The following SLC6A12 variants were observed in gnomAD, a reference collection of about 807,000 sequenced individuals.
SLC6A12 encodes the protein sodium- and chloride-dependent betaine transporter.
Under a neutral mutation model 73.3 loss-of-function variants are expected in SLC6A12, and 50 were observed. The ratio of observed to expected loss-of-function variants is 0.68; its 90% confidence interval spans 0.54 to 0.86. SLC6A12 has a LOEUF of 0.86. SLC6A12 is among the 40% of genes least tolerant of loss of function. The pLI, the probability that SLC6A12 is intolerant of heterozygous loss-of-function variation, is 0.00. For synonymous variants in SLC6A12, 304 were observed against 309.2 expected (o/e 0.98, Z 0.18); for missense variants, 648 against 772.8 (o/e 0.84, Z 1.92).
In SLC6A12 at chr12:200,667, A is replaced by ACC; in HGVS notation, c.693_694dup (p.Val232GlyfsTer18). 4 of 1,613,914 alleles carry ACC rather than the reference A, an allele frequency of 2.5e-6. No homozygotes were observed. Among genetic ancestry groups the ACC allele is most frequent in the Non-Finnish European group, 3.4e-6 (4 of 1,179,956 alleles). ...ACATCTCACCTTGCCTGTGGACTTG[A>ACC]CCCCCTTCCAGATGCAGAAATAGCA... On this transcript the variant is annotated frameshift_variant, in exon 7 of 16. Coordinates refer to ENST00000684302, the MANE Select transcript of SLC6A12 (RefSeq NM_001122848.3). LOFTEE classifies it high-confidence loss of function.
intron 6 of SLC6A12, 58 bp from the exon 7 acceptor site, chr12:200,841 C>A: frequency 1.3e-6 from 2 of 1,562,238 alleles, no homozygotes; most frequent in Non-Finnish European, 1.7e-6. Flanking sequence ...CAGTTTGCGT[C>A]TGTCAGCAAG....
chr12:187,589 C>CAAAAAAAAAAAAAAAAAAAAAAAAAA (rs761187495), downstream of SLC6A12, among the ~76,000 whole-genome samples: 9 of 106,062 alleles, frequency 8.5e-5, no homozygotes, highest in South Asian at 3.6e-4. Flanking sequence ...TGCAAAAGAG[C>CAAAAAAAAAAAAAAAAAAAAAAAAAA]AAAAAAAAAA....
At chr12:195,201 C>T (rs370240479) in intron 13 of SLC6A12, 24 bp downstream of exon 13, 3 of 1,048,220 alleles carry the variant, frequency 2.9e-6, no homozygotes, top group Non-Finnish European at 4.4e-6. Context: ...ACCCTGCTTT[C>T]CCACCCCACT....
intron 2 of SLC6A12, among the ~76,000 whole-genome samples, chr12:211,557 A>G (rs534632602): frequency 1.3e-5 from 2 of 152,320 alleles, no homozygotes; most frequent in East Asian, 1.9e-4. Context: ...AGAGTATGTG[A>G]TCAGACCCAT....
intron 6 of SLC6A12, 121 bp downstream of exon 6, chr12:201,641 G>A (rs910156933): frequency 2.9e-5 from 22 of 747,840 alleles, no homozygotes; most frequent in East Asian, 7.7e-5. Flanking sequence ...GGAGTGGGGC[G>A]GGGGAGGAAG....
chr12:184,905 C>T, the SLC6A12 span, among the ~76,000 whole-genome samples: 4,072 of 149,712 alleles, frequency 0.027, 76 homozygotes, highest in Middle Eastern at 0.072. Context: ...TGCGCTCCAG[C>T]CTGGGGGACA....
At position 209,909 on chromosome 12, in the gene SLC6A12, G is replaced by A. The variant is rs575065279; in HGVS notation, c.78C>T (p.Asp26=). The A allele has an allele frequency of 5.7e-5, 92 of 1,614,018 alleles. No individual in the cohort carries two copies. Among genetic ancestry groups the A allele is most frequent in the Non-Finnish European group, 7.5e-5 (89 of 1,180,034 alleles). The change falls in exon 3 of 16, where the codon GAC becomes GAT. Residue 26 remains aspartate, a synonymous_variant. Coordinates refer to ENST00000684302, the MANE Select transcript of SLC6A12 (RefSeq NM_001122848.3). ...SWVPEEGEKL[D]QEDEDQVKDR... is the part of the protein sequence containing the mutation. ...CCTTCACCTGGTCCTCGTCTTCCTG[G>A]TCCAACTTCTCTCCCTCCTCGGGGA...
At chr12:187,678 G>C (rs1304443637), downstream of SLC6A12, among the ~76,000 whole-genome samples, 1 of 143,838 alleles carries the variant, frequency 7.0e-6, no homozygotes, top group Admixed American at 7.1e-5. Flanking sequence ...ACCCCAGCGG[G>C]TTACCACTAG....
chr12:200,853 C>G, intron 6 of SLC6A12, 70 bp from the exon 7 acceptor site: 6 of 1,509,910 alleles, frequency 4.0e-6, no homozygotes, highest in Non-Finnish European at 5.4e-6. Context: ...GTCAGCAAGT[C>G]TCCTGATTCT....
intron 4 of SLC6A12, chr12:203,917 C>T (rs953744797): frequency 6.6e-6 from 1 of 152,508 alleles, no homozygotes; most frequent in African/African-American, 2.4e-5. Context: ...CCCACCAGCA[C>T]AGCGCGGTGC....
chr12:206,117 A>G (rs1372639568), intron 3 of SLC6A12, among the ~76,000 whole-genome samples: 1 of 152,220 alleles, frequency 6.6e-6, no homozygotes. Flanking sequence ...GTTCTTAAGT[A>G]TACAGTTCAG....
At chr12:200,214 T>C (rs931267944) in intron 7 of SLC6A12, among the ~76,000 whole-genome samples, 19 of 149,472 alleles carry the variant, frequency 1.3e-4, no homozygotes, top group African/African-American at 4.0e-4. Context: ...GTTCACGCCA[T>C]TCTCCTGCCT....
chr12:204,546 G>A lies in SLC6A12; in HGVS notation c.349+18C>T, dbSNP rs369834262. On this transcript the variant is annotated intron_variant, in intron 4 of 15. Coordinates refer to ENST00000684302, the MANE Select transcript of SLC6A12 (RefSeq NM_001122848.3). The stretch of plus-strand genomic sequence containing the variant: ...AGATGGCGGCCCCATGAAGGGGAAG[G>A]TGGGGGAGGATACATACCCTGGAAG... The A allele has an allele frequency of 6.2e-7, 1 of 1,613,340 alleles. No individual in the cohort carries two copies. The highest frequency in any genetic ancestry group is 8.5e-7 in the Non-Finnish European group (1 of 1,179,446).
At chr12:187,581 C>A (rs1237033301), downstream of SLC6A12, among the ~76,000 whole-genome samples, 6 of 78,160 alleles carry the variant, frequency 7.7e-5, no homozygotes, top group African/African-American at 1.2e-4. Flanking sequence ...AGATTTACTG[C>A]AAAAGAGCAA....
chr12:201,580 G>A (rs1025830024), intron 6 of SLC6A12, 182 bp downstream of exon 6: 39 of 601,708 alleles, frequency 6.5e-5, no homozygotes, highest in Admixed American at 4.3e-4. Flanking sequence ...CCGTGGACCC[G>A]TGTGGGTAGA....
At chr12:197,876 C>A (rs374576997) in intron 9 of SLC6A12, 24 bp downstream of exon 9, 2 of 1,498,584 alleles carry the variant, frequency 1.3e-6, no homozygotes, top group African/African-American at 1.4e-5. Flanking sequence ...TCCTTCACCC[C>A]ACCCCGGCCC....
chr12:200,267 C>G (rs1257309433), intron 7 of SLC6A12, among the ~76,000 whole-genome samples: 2 of 150,992 alleles, frequency 1.3e-5, no homozygotes, highest in African/African-American at 2.5e-5. Context: ...CACCACCACG[C>G]CCGGCTAATT....
chr12:186,469 C>A (rs568935063), downstream of SLC6A12, among the ~76,000 whole-genome samples: 4 of 152,358 alleles, frequency 2.6e-5, no homozygotes, highest in South Asian at 8.3e-4. Context: ...TGGGGTCAGG[C>A]ATTTGGGGCC....
rs775324354 is a variant in SLC6A12, at chr12:197,986, G to A, written c.864C>T (p.Gly288=). 3.1e-6 allele frequency: 5 copies of A among 1,613,652 alleles called. No homozygotes were observed. The highest frequency in any genetic ancestry group is 1.3e-5 in the African/African-American group (1 of 74,896). ...LKDPQVWMDA[G]TQIFFSFAIC... ...TGGCAAAGGAGAAGAAGATCTGGGT[G>A]CCCGCATCCATCCACACCTACACAA... The change falls in exon 9 of 16, where the codon GGC becomes GGT. Residue 288 remains glycine, a synonymous_variant. Coordinates refer to ENST00000684302, the MANE Select transcript of SLC6A12 (RefSeq NM_001122848.3).
Sources: allele counts gnomAD v4.1 joint callset (sites outside exome capture counted in the v4.1 genomes callset), GRCh38; gene constraint gnomAD v4.1.1; transcripts MANE v1.5; gene names NCBI Gene and HGNC (gene_info 2026-07-23, HGNC 2026-07-21).